Variants in AGAP1 observed in about 807,000 individuals in gnomAD.
The protein encoded by AGAP1 is ArfGAP with GTPase domain, ankyrin repeat and PH domain 1.
A neutral mutation model predicts 105.3 loss-of-function variants in AGAP1; 29 were observed. That is an observed-to-expected ratio of 0.28 (90% CI 0.21 to 0.38). The LOEUF is 0.38. AGAP1 is among the 10% of genes least tolerant of loss of function. AGAP1 has a pLI of 1.00. For synonymous variants in AGAP1, 509 were observed against 485.9 expected (o/e 1.05, Z -0.63); for missense variants, 998 against 1,165.1 (o/e 0.86, Z 2.09).
In AGAP1 at chr2:236,083,586, C is replaced by T. The variant is rs1421765924; in HGVS notation, c.2114+34305C>T. Among the ~76,000 whole-genome samples, 1 of 152,130 alleles carries T rather than the reference C, an allele frequency of 6.6e-6. No individual in the cohort carries two copies. The highest frequency in any genetic ancestry group is 2.4e-5 in the African/African-American group (1 of 41,430). On this transcript the variant is annotated intron_variant, in intron 16 of 17. Coordinates refer to ENST00000304032, the MANE Select transcript of AGAP1 (RefSeq NM_001037131.3). This position sits in a 1 kb window ranked among gnomAD's most constrained non-coding sequence, Gnocchi z 5.3. ...AATGTGTGCATGCTCACACCCATGCCTACATTAGAAAGAGAAGTACCCCAA... is the reference window on the plus strand; with the variant it reads ...AATGTGTGCATGCTCACACCCATGCTTACATTAGAAAGAGAAGTACCCCAA...
intron 16 of AGAP1, among the ~76,000 whole-genome samples, chr2:236,057,438 T>G (rs1310984433): frequency 6.6e-6 from 1 of 152,170 alleles, no homozygotes; most frequent in African/African-American, 2.4e-5. Context: ...CACACAGCCA[T>G]GATTCTAAAG....
rs543584432 is a variant in AGAP1 at position 235,767,415 on chromosome 2, C to T, written c.673+16927C>T. Reference sequence around the variant, plus strand: ...ACCCGGGCCAAGCGTGGAGGCTCTGCGGGCTGGGGGTCCGGCCCACACCAT... The same window carrying T: ...ACCCGGGCCAAGCGTGGAGGCTCTGTGGGCTGGGGGTCCGGCCCACACCAT... On this transcript the variant is annotated intron_variant, in intron 6 of 17. Coordinates refer to ENST00000304032, the MANE Select transcript of AGAP1 (RefSeq NM_001037131.3). 4.8e-4 allele frequency among the ~76,000 whole-genome samples: 73 copies of T among 152,310 alleles called. 1 individual carries two copies. The East Asian group carries it at 0.01, about 21-fold the overall frequency.
chr2:235,571,930 C>T (rs1464408729), intron 1 of AGAP1, among the ~76,000 whole-genome samples: 3 of 66,732 alleles, frequency 4.5e-5, no homozygotes, highest in African/African-American at 3.0e-4. Context: ...CTTGCCCACA[C>T]TTTGTGTGTG....
rs542313132 is a variant in AGAP1, at chr2:236,002,260, G to T, written c.1645+33637G>T. On this transcript the variant is annotated intron_variant, in intron 13 of 17. Coordinates refer to ENST00000304032, the MANE Select transcript of AGAP1 (RefSeq NM_001037131.3). The surrounding 1 kb of genome is among the most constrained non-coding windows in gnomAD (Gnocchi z 4.3). The stretch of plus-strand genomic sequence containing the variant: ...AACAGACAAACACAACATGACCCAC[G>T]CACCCAGCCTGAGCCCAGGAGGCTC... Among the ~76,000 whole-genome samples the T allele has an allele frequency of 6.6e-6, 1 of 152,270 alleles. No individual in the cohort carries two copies. Among genetic ancestry groups the T allele is most frequent in the African/African-American group, 2.4e-5 (1 of 41,554 alleles).
chr2:236,026,147 G>T (rs976801516), intron 13 of AGAP1, among the ~76,000 whole-genome samples: 1 of 152,228 alleles, frequency 6.6e-6, no homozygotes, highest in Non-Finnish European at 1.5e-5. Flanking sequence ...GCCATGTCCT[G>T]ACAGGTCCCA....
rs1307713439 is a variant in AGAP1, at chr2:235,866,917, C to G, written c.1051-16428C>G. On this transcript the variant is annotated intron_variant, in intron 9 of 17. Transcript: ENST00000304032. This position sits in a 1 kb window ranked among gnomAD's most constrained non-coding sequence, Gnocchi z 6.1. The stretch of plus-strand genomic sequence containing the variant: ...TAACATAATTTGCTCTGTAAAGGCC[C>G]TGACTCCAAATAGAGTCACATCGTG... Among the ~76,000 whole-genome samples, 1 of 152,216 alleles carries G rather than the reference C, an allele frequency of 6.6e-6. No homozygotes were observed. The highest frequency in any genetic ancestry group is 2.4e-5 in the African/African-American group (1 of 41,450).
In AGAP1 at chr2:235,988,321, G is replaced by C. The variant is rs2055410013; in HGVS notation, c.1645+19698G>C. On this transcript the variant is annotated intron_variant, in intron 13 of 17. Coordinates refer to ENST00000304032, the MANE Select transcript of AGAP1 (RefSeq NM_001037131.3). The surrounding 1 kb of genome is among the most constrained non-coding windows in gnomAD (Gnocchi z 4.7). Reference sequence around the variant, plus strand: ...GCCTCCCAAAGTGGTAGGATTACAGGCGTGAGCCACCGTGCCTGGCCTAAA... The same window carrying C: ...GCCTCCCAAAGTGGTAGGATTACAGCCGTGAGCCACCGTGCCTGGCCTAAA... Among the ~76,000 whole-genome samples the C allele has an allele frequency of 6.6e-6, 1 of 152,192 alleles. No homozygotes were observed.
At chr2:235,686,679 T>TC (rs1949464595) in intron 1 of AGAP1, among the ~76,000 whole-genome samples, 2 of 132,350 alleles carry the variant, frequency 1.5e-5, no homozygotes, top group Non-Finnish European at 3.2e-5. Flanking sequence ...TTTTTTTTTT[T>TC]TAGACAGAGT....
At chr2:235,767,094 A>T (rs796991395) in intron 6 of AGAP1, among the ~76,000 whole-genome samples, 1 of 152,050 alleles carries the variant, frequency 6.6e-6, no homozygotes, top group African/African-American at 2.4e-5. Flanking sequence ...TATTTTTAGT[A>T]GAAATGGGAT....
chr2:235,918,976 G>A (rs2052034739), intron 11 of AGAP1, among the ~76,000 whole-genome samples: 1 of 152,138 alleles, frequency 6.6e-6, no homozygotes, highest in African/African-American at 2.4e-5. Flanking sequence ...GTTGGATGTG[G>A]TAACAGGTGT....
In AGAP1 at chr2:235,662,769, C is replaced by T. The variant is rs1406451045; in HGVS notation, c.164-46410C>T. Among the ~76,000 whole-genome samples, 1 of 152,184 alleles carries T rather than the reference C, an allele frequency of 6.6e-6. No individual in the cohort carries two copies. The highest frequency in any genetic ancestry group is 2.4e-5 in the African/African-American group (1 of 41,454). Reference sequence around the variant, plus strand: ...GAGTTGGGGTTTTCTGGGCTCACACCCAGCCTGTGTCCCTCATCCCCTTGC... The same window carrying T: ...GAGTTGGGGTTTTCTGGGCTCACACTCAGCCTGTGTCCCTCATCCCCTTGC... On this transcript the variant is annotated intron_variant, in intron 1 of 17. Coordinates refer to ENST00000304032, the MANE Select transcript of AGAP1 (RefSeq NM_001037131.3). This position sits in a 1 kb window ranked among gnomAD's most constrained non-coding sequence, Gnocchi z 4.2.
At position 235,614,833 on chromosome 2, in the gene AGAP1, T is replaced by G. The variant is rs1033203582; in HGVS notation, c.164-94346T>G. Among the ~76,000 whole-genome samples the G allele has an allele frequency of 2.6e-5, 4 of 152,174 alleles. No homozygotes were observed. The highest frequency in any genetic ancestry group is 1.3e-4 in the Admixed American group (2 of 15,278). On this transcript the variant is annotated intron_variant, in intron 1 of 17. Coordinates refer to ENST00000304032, the MANE Select transcript of AGAP1 (RefSeq NM_001037131.3). The surrounding 1 kb of genome is among the most constrained non-coding windows in gnomAD (Gnocchi z 4.7). ...TTTCTTGGCCTCCTAGGGAATCAGT[T>G]TGATTCTGTGGCTATTAAATTAATG...
Position 235,633,229 on chromosome 2 carries a change from C to G in AGAP1, c.164-75950C>G, listed in dbSNP as rs1207414040. ...CCTACGGAATGAAGACCCGAAGATT[C>G]AGGGGAGGTCGTCTGTGTGCCTTGG... On this transcript the variant is annotated intron_variant, in intron 1 of 17. Transcript: ENST00000304032. This position sits in a 1 kb window ranked among gnomAD's most constrained non-coding sequence, Gnocchi z 4.8. Among the ~76,000 whole-genome samples the G allele has an allele frequency of 6.6e-6, 1 of 152,116 alleles. No homozygotes were observed. The highest frequency in any genetic ancestry group is 1.5e-5 in the Non-Finnish European group (1 of 68,020).
In AGAP1 at chr2:235,967,371, C is replaced by T. The variant is rs950091517; in HGVS notation, c.1484-1091C>T. Among the ~76,000 whole-genome samples, 12 of 152,332 alleles carry T rather than the reference C, an allele frequency of 7.9e-5. 1 individual carries two copies. In the East Asian group the frequency reaches 1.7e-3, roughly 22 times the overall value. ...CCAGCCTCCCAGCCTTGATGCCCCG[C>T]GTTCCTATTCGGTCTTTCCCATAAC... is the stretch of plus-strand genomic sequence containing the variant. On this transcript the variant is annotated intron_variant, in intron 12 of 17. Coordinates refer to ENST00000304032, the MANE Select transcript of AGAP1 (RefSeq NM_001037131.3). The surrounding 1 kb of genome is among the most constrained non-coding windows in gnomAD (Gnocchi z 4.7).
intron 1 of AGAP1, among the ~76,000 whole-genome samples, chr2:235,667,239 C>T (rs1169760185): frequency 3.3e-5 from 5 of 152,200 alleles, no homozygotes; most frequent in South Asian, 2.1e-4. Context: ...AGAACCCCTG[C>T]GTTGTCACTG....
chr2:235,542,352 C>T (rs527250329), intron 1 of AGAP1, among the ~76,000 whole-genome samples: 6 of 152,282 alleles, frequency 3.9e-5, no homozygotes, highest in African/African-American at 7.2e-5. Flanking sequence ...TGTGGATAAG[C>T]GGGATTGAAT....
intron 1 of AGAP1, among the ~76,000 whole-genome samples, chr2:235,573,815 A>G (rs1387815841): frequency 6.6e-6 from 1 of 152,202 alleles, no homozygotes; most frequent in East Asian, 1.9e-4. Context: ...ACCACATGGA[A>G]TGTGCATTCC....
At chr2:235,572,219 G>A (rs1000579225) in intron 1 of AGAP1, among the ~76,000 whole-genome samples, 17 of 151,606 alleles carry the variant, frequency 1.1e-4, no homozygotes, top group African/African-American at 3.1e-4. Context: ...ATTGCGTGCC[G>A]TGCCCTGTGT....
chr2:235,911,141 G>C (rs1188792156), intron 11 of AGAP1, among the ~76,000 whole-genome samples: 3 of 152,070 alleles, frequency 2.0e-5, no homozygotes, highest in African/African-American at 7.2e-5. Context: ...AAAATTTATT[G>C]ATCTTTGTAA....
Sources: allele counts gnomAD v4.1 joint callset (sites outside exome capture counted in the v4.1 genomes callset), GRCh38; gene constraint gnomAD v4.1.1; non-coding constraint Gnocchi (gnomAD v3.1); transcripts MANE v1.5; gene names NCBI Gene and HGNC (gene_info 2026-07-23, HGNC 2026-07-21).